PPP2R1B: variants seen among roughly 807,000 people sequenced by gnomAD.
PPP2R1B encodes the protein serine/threonine-protein phosphatase 2A 65 kDa regulatory subunit A beta isoform.
PPP2R1B carries 58 observed loss-of-function variants against 72.7 expected under a neutral mutation model. The ratio of observed to expected loss-of-function variants is 0.80; its 90% CI spans 0.65 to 0.99. The LOEUF is 0.99. Among genes scored for constraint, PPP2R1B ranks in the 50% least tolerant of loss-of-function variants. PPP2R1B has a pLI of 0.00. For synonymous variants in PPP2R1B, 256 were observed against 264.6 expected (o/e 0.97, Z 0.32); for missense variants, 695 against 733.6 (o/e 0.95, Z 0.61).
At chr11:111,745,635 C>A (rs1049967494) in intron 11 of PPP2R1B, among the ~76,000 whole-genome samples, 5 of 152,182 alleles carry the variant, frequency 3.3e-5, no homozygotes, top group Non-Finnish European at 5.9e-5. Flanking sequence ...GGCTGACCTG[C>A]AAGGTTTCTT....
At chr11:111,730,985 G>C (rs1455522388) in intron 15 of PPP2R1B, 1 of 152,224 alleles carries the variant, frequency 6.6e-6, no homozygotes, top group East Asian at 1.9e-4. Context: ...CTGCAGAAAA[G>C]GACAGTGGAT....
the PPP2R1B span, among the ~76,000 whole-genome samples, chr11:111,713,840 G>A: frequency 7.9e-5 from 12 of 152,192 alleles, no homozygotes; most frequent in African/African-American, 1.7e-4. Context: ...GGTTGCGGGC[G>A]CCTGTAATCC....
At chr11:111,733,165 G>A (rs2136014348), downstream of PPP2R1B, among the ~76,000 whole-genome samples, 2 of 152,330 alleles carry the variant, frequency 1.3e-5, no homozygotes, top group Admixed American at 1.3e-4. Flanking sequence ...CTCGGCCACT[G>A]TTCTTTCCAG....
At chr11:111,712,351 A>G in the PPP2R1B span, 1 of 1,614,184 alleles carries the variant, frequency 6.2e-7, no homozygotes, top group Non-Finnish European at 8.5e-7. Context: ...CATTCATGGA[A>G]GAAGAGTGTG....
At chr11:111,709,119 G>A in the PPP2R1B span, among the ~76,000 whole-genome samples, 4 of 152,322 alleles carry the variant, frequency 2.6e-5, no homozygotes, top group South Asian at 4.1e-4. Context: ...TCGGGAGGCC[G>A]GAAATCAGGA....
chr11:111,743,420 C>T lies in PPP2R1B; in HGVS notation c.1510G>A (p.Asp504Asn). ...GTCATTCTATGCAAGTAATTAGGAT[C>T]ATTTGCCATTACTAACACTTTGGGA... ...IVPKVLVMAN[D>N]PNYLHRMTTL... The change falls in exon 12 of 15, where the codon GAT becomes AAT. Residue 504 changes from aspartate (D) to asparagine (N), a missense_variant. Transcript: ENST00000527614. 6.2e-7 allele frequency: 1 copy of T among 1,612,620 alleles called. No homozygotes were observed. Among genetic ancestry groups the T allele is most frequent in the Admixed American group, 1.7e-5 (1 of 59,996 alleles).
chr11:111,693,109 G>A, the PPP2R1B span, among the ~76,000 whole-genome samples: 27 of 152,108 alleles, frequency 1.8e-4, no homozygotes, highest in African/African-American at 5.1e-4. Flanking sequence ...CAAGGTGGGC[G>A]GATCACGAGG....
At chr11:111,707,582 C>T in the PPP2R1B span, among the ~76,000 whole-genome samples, 3 of 152,176 alleles carry the variant, frequency 2.0e-5, no homozygotes, top group Admixed American at 6.5e-5. Flanking sequence ...TGCTGAGCAA[C>T]AGGCCCCCTC....
chr11:111,709,994 C>T, the PPP2R1B span, among the ~76,000 whole-genome samples: 1 of 152,216 alleles, frequency 6.6e-6, no homozygotes, highest in African/African-American at 2.4e-5. Context: ...TTCCATATAG[C>T]ACCCCCAGTC....
At chr11:111,719,480 C>A in the PPP2R1B span, among the ~76,000 whole-genome samples, 143 of 150,138 alleles carry the variant, frequency 9.5e-4, no homozygotes, top group African/African-American at 3.1e-3. Context: ...AACTAATATA[C>A]CCCTGTTCTT....
downstream of PPP2R1B, among the ~76,000 whole-genome samples, chr11:111,734,476 G>A (rs1045090168): frequency 2.6e-5 from 4 of 152,196 alleles, no homozygotes; most frequent in African/African-American, 9.6e-5. Context: ...TGGAAGGCCT[G>A]GGGGAGTCTT....
chr11:111,719,863 T>C, the PPP2R1B span: 44 of 1,613,890 alleles, frequency 2.7e-5, no homozygotes, highest in Middle Eastern at 3.3e-4. Flanking sequence ...GAGACCTCCA[T>C]TGACGAAGGG....
chr11:111,703,928 C>G, the PPP2R1B span, among the ~76,000 whole-genome samples: 11 of 152,236 alleles, frequency 7.2e-5, no homozygotes, highest in African/African-American at 2.6e-4. Flanking sequence ...GGTCATGAAC[C>G]TGGAAAATTC....
the PPP2R1B span, chr11:111,721,713 A>T: frequency 1.5e-6 from 1 of 669,906 alleles, no homozygotes; most frequent in Non-Finnish European, 2.5e-6. Context: ...TTTGAGTATT[A>T]ATAAGTCTCA....
chr11:111,748,839 A>G (rs1407822003), intron 10 of PPP2R1B, among the ~76,000 whole-genome samples: 6 of 152,184 alleles, frequency 3.9e-5, no homozygotes, highest in Non-Finnish European at 7.3e-5. Flanking sequence ...TAGTGATTGA[A>G]TAAGACAAAA....
downstream of PPP2R1B, among the ~76,000 whole-genome samples, chr11:111,723,256 G>A (rs986345663): frequency 1.3e-5 from 2 of 152,114 alleles, no homozygotes; most frequent in African/African-American, 2.4e-5. Context: ...GAAAAAACTC[G>A]GAGTCAGAGA....
chr11:111,754,702 T>C, intron 7 of PPP2R1B, 133 bp from the exon 8 acceptor site: 1 of 1,421,536 alleles, frequency 7.0e-7, no homozygotes, highest in Non-Finnish European at 9.2e-7. Flanking sequence ...ACAGCTCTTG[T>C]TCTAAATAAA....
chr11:111,701,232 G>C, the PPP2R1B span, among the ~76,000 whole-genome samples: 15 of 152,162 alleles, frequency 9.9e-5, no homozygotes, highest in African/African-American at 3.6e-4. This position sits in a 1 kb window ranked among gnomAD's most constrained non-coding sequence, Gnocchi z 4.2. Flanking sequence ...TTAAAGTTAA[G>C]TAGTAATCAA....
downstream of PPP2R1B, chr11:111,722,852 C>G: frequency 8.7e-7 from 1 of 1,150,868 alleles, no homozygotes; most frequent in South Asian, 1.4e-5. This position sits in a 1 kb window ranked among gnomAD's most constrained non-coding sequence, Gnocchi z 4.4. Flanking sequence ...TTCGCCACTA[C>G]TAGGAAAATA....
Sources: gnomAD v4.1 joint callset for allele counts (sites outside exome capture counted in the v4.1 genomes callset) on GRCh38, gnomAD v4.1.1 for gene constraint, Gnocchi (gnomAD v3.1) non-coding constraint, MANE v1.5 for transcripts, NCBI Gene and HGNC (gene_info 2026-07-23, HGNC 2026-07-21) for gene names.